The following SMARCAD1 variants were observed in gnomAD, a reference collection of about 807,000 sequenced individuals.
The protein encoded by SMARCAD1 is SWI/SNF-related matrix-associated actin-dependent regulator of chromatin subfamily A containing DEAD/H box 1.
SMARCAD1 carries 25 observed loss-of-function variants against 127.1 expected under a neutral mutation model. The observed-to-expected ratio is 0.20, with a 90% CI of 0.14 to 0.27. The LOEUF (loss-of-function observed/expected upper bound fraction) is 0.27, where lower values mean the gene tolerates loss of function less well. Among genes scored for constraint, SMARCAD1 ranks in the 10% least tolerant of loss-of-function variants. The pLI is 1.00. For synonymous variants in SMARCAD1, 400 were observed against 396.9 expected (o/e 1.01, Z -0.09); for missense variants, 807 against 1,206.0 (o/e 0.67, Z 4.90).
At chr4:94,226,048 A>G in intron 2 of SMARCAD1, 71 bp from the exon 3 acceptor site, 1 of 1,252,052 alleles carries the variant, frequency 8.0e-7, no homozygotes, top group East Asian at 2.4e-5. Context: ...ATTTTAGCAC[A>G]TGATTATAAC....
At chr4:94,258,937 T>C (rs1469520265) in intron 9 of SMARCAD1, among the ~76,000 whole-genome samples, 1 of 152,192 alleles carries the variant, frequency 6.6e-6, no homozygotes, top group Non-Finnish European at 1.5e-5. Context: ...TCTAGCCATA[T>C]TGAATCAAAC....
rs1300787853 is a variant in SMARCAD1 at position 94,281,460 on chromosome 4, G to C, written c.2608-12G>C. ...TTTTTTCTATTTCTAATTCATGTAT[G>C]TATTTTCACAGGGTGATAGAGTTGT... On this transcript the variant is annotated splice_polypyrimidine_tract_variant and intron_variant, in intron 20 of 23. Transcript: ENST00000354268. The C allele has an allele frequency of 6.5e-7, 1 of 1,536,602 alleles. No homozygotes were observed. Among genetic ancestry groups the C allele is most frequent in the South Asian group, 1.1e-5 (1 of 89,496 alleles).
intron 2 of SMARCAD1, among the ~76,000 whole-genome samples, chr4:94,223,112 G>T (rs1744414186): frequency 6.6e-6 from 1 of 152,062 alleles, no homozygotes; most frequent in Non-Finnish European, 1.5e-5. Context: ...TAAATTTTTA[G>T]ACCCCCCTAC....
At chr4:94,265,596 TG>T (rs1035533958) in intron 10 of SMARCAD1, among the ~76,000 whole-genome samples, 30 of 151,748 alleles carry the variant, frequency 2.0e-4, no homozygotes, top group Non-Finnish European at 3.2e-4. Context: ...GTTGGCAGAT[TG>T]GGGTGGGGGA....
intron 2 of SMARCAD1, among the ~76,000 whole-genome samples, chr4:94,215,763 C>G (rs1323279765): frequency 1.3e-5 from 2 of 152,116 alleles, no homozygotes; most frequent in African/African-American, 4.8e-5. Context: ...TAAAATATTG[C>G]AGACCTTTAT....
intron 5 of SMARCAD1, among the ~76,000 whole-genome samples, chr4:94,238,257 C>G (rs1030106404): frequency 1.3e-5 from 2 of 152,096 alleles, no homozygotes; most frequent in African/African-American, 4.8e-5. Flanking sequence ...TACAGTGTAT[C>G]AAGATTCTTT....
chr4:94,233,046 A>G (rs866100524), intron 3 of SMARCAD1, among the ~76,000 whole-genome samples: 1 of 152,336 alleles, frequency 6.6e-6, no homozygotes, highest in East Asian at 1.9e-4. Context: ...TAGGCATCAC[A>G]TGTTGTGCCA....
At chr4:94,233,002 T>C (rs767511151) in intron 3 of SMARCAD1, among the ~76,000 whole-genome samples, 4 of 152,206 alleles carry the variant, frequency 2.6e-5, no homozygotes, top group African/African-American at 4.8e-5. Context: ...AACACACATA[T>C]TCTGTTCTTT....
At chr4:94,229,743 C>A (rs763792881) in intron 3 of SMARCAD1, among the ~76,000 whole-genome samples, 2 of 150,978 alleles carry the variant, frequency 1.3e-5, no homozygotes, top group African/African-American at 4.9e-5. Flanking sequence ...AGGAAATACT[C>A]GGGTGTAGGG....
chr4:94,247,103 CTGTAGTAATTGCTTAT>C (rs1748550103), intron 6 of SMARCAD1, among the ~76,000 whole-genome samples: 1 of 118,714 alleles, frequency 8.4e-6, no homozygotes, highest in Admixed American at 9.7e-5. Context: ...TCCTTTAGGA[CTGTAGTAATTGCTTAT>C]TGTTTTGATT....
At chr4:94,285,685 G>T (rs1329053653) in intron 23 of SMARCAD1, among the ~76,000 whole-genome samples, 1 of 152,162 alleles carries the variant, frequency 6.6e-6, no homozygotes, top group Non-Finnish European at 1.5e-5. Flanking sequence ...AGAGAAGTGC[G>T]TATGATCAAA....
intron 4 of SMARCAD1, among the ~76,000 whole-genome samples, chr4:94,236,660 A>G (rs1746702255): frequency 6.6e-6 from 1 of 152,164 alleles, no homozygotes; most frequent in Non-Finnish European, 1.5e-5. Context: ...AAAACTTTGT[A>G]ATTAAAATAG....
Position 94,240,908 on chromosome 4 carries a change from G to A in SMARCAD1, c.607G>A (p.Gly203Ser). The change falls in exon 6 of 24, where the codon GGT becomes AGT. Residue 203 changes from glycine to serine, a missense_variant and splice_region_variant. By Grantham distance (56) the Gly-to-Ser change is moderately conservative (BLOSUM62 0). Around this residue, in one of 8 missense-constraint regions of SMARCAD1, gnomAD observed 48 missense variants for 90.8 expected, o/e 0.53. Transcript: ENST00000354268. ...AALLMFGDAG[G>S]GPRKRKLSSS... ...AGTGTGCTGCTCTGCTTTAAAAGGT[G>A]GTGGGCCCAGGAAAAGAAAATTATC... The A allele has an allele frequency of 6.2e-7, 1 of 1,612,088 alleles. No homozygotes were observed. Among genetic ancestry groups the A allele is most frequent in the Non-Finnish European group, 8.5e-7 (1 of 1,178,568 alleles).
At chr4:94,268,991 CT>C (rs1752140328) in intron 10 of SMARCAD1, among the ~76,000 whole-genome samples, 1 of 151,856 alleles carries the variant, frequency 6.6e-6, no homozygotes, top group Non-Finnish European at 1.5e-5. Context: ...AAGCAAAGAC[CT>C]TTTTTAAAAT....
chr4:94,217,958 T>G (rs939594596), intron 2 of SMARCAD1, among the ~76,000 whole-genome samples: 1 of 152,232 alleles, frequency 6.6e-6, no homozygotes, highest in Non-Finnish European at 1.5e-5. Context: ...AGTATCATAA[T>G]CTGAAATATG....
intron 22 of SMARCAD1, 64 bp from the exon 23 acceptor site, chr4:94,284,896 A>C (rs745798343): frequency 1.0e-6 from 1 of 974,580 alleles, no homozygotes; most frequent in Non-Finnish European, 1.6e-6. Context: ...TCTTAAATAT[A>C]GTTTACATAT....
rs1362128880 is a variant in SMARCAD1 at position 94,208,375 on chromosome 4, A to G, written c.-20A>G. 2.4e-5 allele frequency: 38 copies of G among 1,613,048 alleles called. No homozygotes were observed. In the East Asian group the frequency reaches 7.8e-4, roughly 33 times the overall value. ...TTCATTTAAAGCCCCCATCCCTGCA[A>G]GGTGGTGCTTTCTACCAATATGAAT... On this transcript the variant is annotated 5_prime_UTR_variant, in exon 2 of 24. Transcript: ENST00000354268.
chr4:94,290,471 C>G lies in SMARCAD1; in HGVS notation c.*937C>G, dbSNP rs964292639. On this transcript the variant is annotated 3_prime_UTR_variant, in exon 24 of 24. Coordinates refer to ENST00000354268, the MANE Select transcript of SMARCAD1 (RefSeq NM_020159.5). ...TAAAGCTATTTCATTTCAAAGCAGA[C>G]TGAATGTGACTTCATCTAAAGGCAG... 2.2e-6 allele frequency: 1 copy of G among 454,484 alleles called. No homozygotes were observed. The highest frequency in any genetic ancestry group is 4.4e-6 in the Non-Finnish European group (1 of 226,770). The allele number at this position is 454,484 out of a possible 1,614,324, so 28.2% of individuals were successfully genotyped here.
intron 3 of SMARCAD1, among the ~76,000 whole-genome samples, chr4:94,233,592 G>A (rs955247337): frequency 6.6e-6 from 1 of 152,124 alleles, no homozygotes; most frequent in Non-Finnish European, 1.5e-5. Flanking sequence ...TAATTTCTTA[G>A]GAGTAGCATA....
Sources: allele counts gnomAD v4.1 joint callset (sites outside exome capture counted in the v4.1 genomes callset), GRCh38; gene constraint gnomAD v4.1.1; regional missense constraint gnomAD v4.1.1; transcripts MANE v1.5; gene names NCBI Gene and HGNC (gene_info 2026-07-23, HGNC 2026-07-21).